The following GRM6 variants were observed in gnomAD, a reference collection of about 807,000 sequenced individuals.
The protein encoded by GRM6 is metabotropic glutamate receptor 6.
A neutral mutation model predicts 78.4 loss-of-function variants in GRM6; 73 were observed. That is an observed-to-expected ratio of 0.93 (90% CI 0.77 to 1.13). The LOEUF is 1.13. Ranked by LOEUF, GRM6 falls within the 50% of genes most tolerant of loss-of-function variation. The pLI is 0.00. For synonymous variants in GRM6, 580 were observed against 555.0 expected (o/e 1.05, Z -0.63); for missense variants, 1,251 against 1,256.4 (o/e 1.00, Z 0.07).
rs140082247 is a variant in GRM6 at position 178,991,999 on chromosome 5, C to T, written c.589G>A (p.Asp197Asn). 3.4e-5 allele frequency: 55 copies of T among 1,614,092 alleles called. No homozygotes were observed. In the African/African-American group the frequency reaches 5.2e-4, roughly 15 times the overall value. ...YDFFSRVVPP[D>N]SYQAQAMVDI... ...ACCATGGCCTGCGCCTGGTAGGAGT[C>T]GGGTGGCACCACCCGGGAGAAGAAG... The change falls in exon 3 of 11, where the codon GAC becomes AAC. Residue 197 changes from aspartate to asparagine, a missense_variant. Transcript: ENST00000517717. This position sits in a 1 kb window ranked among gnomAD's most constrained non-coding sequence, Gnocchi z 5.0.
rs1376753531 is a variant in GRM6, at chr5:178,988,894, A to C, written c.1354+41T>G. The C allele has an allele frequency of 2.0e-6, 3 of 1,531,550 alleles. No homozygotes were observed. Among genetic ancestry groups the C allele is most frequent in the Non-Finnish European group, 2.7e-6 (3 of 1,110,008 alleles). 94.9% of individuals were successfully genotyped at this position (1,531,550 alleles called of 1,614,324 possible). ...GCCTCACAGCAAAATCCAGCCCCCC[A>C]GCTGTCCTTCACTGCTGCAGGGGGG... On this transcript the variant is annotated intron_variant, in intron 7 of 10. Transcript: ENST00000517717. The surrounding 1 kb of genome is among the most constrained non-coding windows in gnomAD (Gnocchi z 6.0).
Position 178,994,862 on chromosome 5 carries a change from CGCGCCAGGCCCGCCT to C in GRM6, c.68_82del (p.Gln23_Ala27del), listed in dbSNP as rs757326094. On this transcript the variant is annotated inframe_deletion, in exon 2 of 11. Coordinates refer to ENST00000517717, the MANE Select transcript of GRM6 (RefSeq NM_000843.4). ...CGCCAGGCGCACAGAGCCCGCCGCG[CGCGCCAGGCCCGCCT>C]GCGCCAGCCACGCCAGCGGCAGCAG... 5.1e-5 allele frequency: 61 copies of C among 1,195,974 alleles called. No homozygotes were observed. The East Asian group carries it at 1.2e-3, about 23-fold the overall frequency. 74.1% of individuals were successfully genotyped at this position (1,195,974 alleles called of 1,614,324 possible).
chr5:178,980,825 G>T lies in GRM6; in HGVS notation c.*832C>A, dbSNP rs1407964425. The T allele has an allele frequency of 2.6e-5, 4 of 152,208 alleles. No homozygotes were observed. Among genetic ancestry groups the T allele is most frequent in the African/African-American group, 4.8e-5 (2 of 41,420 alleles). 9.4% of individuals were successfully genotyped at this position (152,208 alleles called of 1,614,324 possible). A position where few individuals can be genotyped will look rare whatever the true frequency, so the allele number is the denominator to read the frequency against. On this transcript the variant is annotated 3_prime_UTR_variant, in exon 11 of 11. Coordinates refer to ENST00000517717, the MANE Select transcript of GRM6 (RefSeq NM_000843.4). This position sits in a 1 kb window ranked among gnomAD's most constrained non-coding sequence, Gnocchi z 4.3. ...ATTTTTGTATTTTTAGTAGAGACAG[G>T]GTTTCACCACATTGGCCAGGCTGGT...
rs934635996 is a variant in GRM6 at position 178,992,445 on chromosome 5, T to G, written c.505-362A>C. 1.2e-5 allele frequency: 5 copies of G among 402,310 alleles called. No homozygotes were observed. In the Admixed American group the frequency reaches 1.5e-4, roughly 12 times the overall value. The allele number at this position is 402,310 out of a possible 1,614,324, so 24.9% of individuals were successfully genotyped here. On this transcript the variant is annotated intron_variant, in intron 2 of 10. Coordinates refer to ENST00000517717, the MANE Select transcript of GRM6 (RefSeq NM_000843.4). This position sits in a 1 kb window ranked among gnomAD's most constrained non-coding sequence, Gnocchi z 4.9. The stretch of plus-strand genomic sequence containing the variant: ...ATCCAGCTGCATCTGCCTGTCCTAG[T>G]CAGGCCCAGGGCAAAGCACGTTTTC...
In GRM6 at chr5:178,986,154, G is replaced by T. The variant is rs1390161587; in HGVS notation, c.2100C>A (p.Ile700=). ...CCTGCAGGGAGGTGAGGCTGAAGGT[G>T]ATGACCAGCTGTGAGGTGGGGCTGA... ...PFISPTSQLV[I]TFSLTSLQVV... Residue 700 remains isoleucine, a synonymous_variant, in exon 9 of 11, where the codon ATC becomes ATA. Transcript: ENST00000517717. 6.2e-7 allele frequency: 1 copy of T among 1,613,730 alleles called. No homozygotes were observed. Among genetic ancestry groups the T allele is most frequent in the African/African-American group, 1.3e-5 (1 of 74,940 alleles).
chr5:178,994,634 T>C lies in GRM6; in HGVS notation c.311A>G (p.Tyr104Cys). 6.9e-7 allele frequency: 1 copy of C among 1,457,540 alleles called. No homozygotes were observed. Among genetic ancestry groups the C allele is most frequent in the Non-Finnish European group, 9.0e-7 (1 of 1,107,336 alleles). The allele number at this position is 1,457,540 out of a possible 1,614,324, so 90.3% of individuals were successfully genotyped here. The change falls in exon 2 of 11, where the codon TAC becomes TGC. Residue 104 changes from tyrosine (Y) to cysteine (C), a missense_variant. By Grantham distance (194) the Tyr-to-Cys change is radical. Transcript: ENST00000517717. ...GAAGCTCAGCGCCTGCTCCAGCGCG[T>C]AGGTGTCCCGCGAGCAGGTGTCCAG... Reference protein sequence around the residue: ...RLLDTCSRDTYALEQALSFVQ... With the variant: ...RLLDTCSRDTCALEQALSFVQ...
In GRM6 at chr5:178,994,632, C is replaced by A; in HGVS notation, c.313G>T (p.Ala105Ser). ...LLDTCSRDTYALEQALSFVQA... is the reference protein window; with the variant it reads ...LLDTCSRDTYSLEQALSFVQA... ...ACGAAGCTCAGCGCCTGCTCCAGCG[C>A]GTAGGTGTCCCGCGAGCAGGTGTCC... The change falls in exon 2 of 11, where the codon GCG (alanine) becomes TCG (serine). Residue 105 changes from alanine to serine, a missense_variant. Transcript: ENST00000517717. The A allele has an allele frequency of 6.9e-7, 1 of 1,456,948 alleles. No individual in the cohort carries two copies. Among genetic ancestry groups the A allele is most frequent in the East Asian group, 3.0e-5 (1 of 32,916 alleles). 90.3% of individuals were successfully genotyped at this position (1,456,948 alleles called of 1,614,324 possible). A position where few individuals can be genotyped will look rare whatever the true frequency, so the allele number is the denominator to read the frequency against.
rs1452378519 is a variant in GRM6 at position 178,991,223 on chromosome 5, G to A, written c.857+201C>T. ...AGACACATGTTCTGTGCGCTATTCAGTCTGGGCTTGTGGCATCTCCCCAGA... is the reference window on the plus strand; with the variant it reads ...AGACACATGTTCTGTGCGCTATTCAATCTGGGCTTGTGGCATCTCCCCAGA... On this transcript the variant is annotated intron_variant, in intron 4 of 10. Transcript: ENST00000517717. This position sits in a 1 kb window ranked among gnomAD's most constrained non-coding sequence, Gnocchi z 5.0. 1.3e-5 allele frequency among the ~76,000 whole-genome samples: 2 copies of A among 152,094 alleles called. No individual in the cohort carries two copies. The highest frequency in any genetic ancestry group is 2.4e-5 in the African/African-American group (1 of 41,406).
intron 9 of GRM6, 192 bp from the exon 10 acceptor site, chr5:178,983,413 A>G: frequency 2.8e-6 from 2 of 706,052 alleles, no homozygotes; most frequent in Non-Finnish European, 2.6e-6. Flanking sequence ...GGGGCAGCCC[A>G]AGAGGGGTCC....
At chr5:178,987,118 G>A in intron 7 of GRM6, 135 bp from the exon 8 acceptor site, 2 of 871,854 alleles carry the variant, frequency 2.3e-6, no homozygotes, top group Non-Finnish European at 3.7e-6. Context: ...GCAAATCCAA[G>A]CCGCAGGGAG....
At chr5:178,983,405 G>A in intron 9 of GRM6, 184 bp from the exon 10 acceptor site, 1 of 711,208 alleles carries the variant, frequency 1.4e-6, no homozygotes, top group Non-Finnish European at 2.5e-6. Flanking sequence ...CCCAGGCAGG[G>A]GCAGCCCAAG....
At chr5:178,983,432 G>A (rs773163025) in intron 9 of GRM6, 1 of 699,820 alleles carries the variant, frequency 1.4e-6, no homozygotes, top group African/African-American at 1.7e-5. Context: ...CCGTCCAAAG[G>A]CCCGTGACCT....
chr5:178,986,387 G>C lies in GRM6; in HGVS notation c.1867C>G (p.Leu623Val). ...ATGCCGGTGAGGAGGACGTAGCTGA[G>C]CTCTCGGCCCGAGGCCCGGACGATG... ...TPIVRASGRE[L>V]SYVLLTGIFL... is the part of the protein sequence containing the mutation. The change falls in exon 9 of 11, where the codon CTC becomes GTC. Residue 623 changes from leucine (L) to valine (V), a missense_variant. Transcript: ENST00000517717. 6.2e-7 allele frequency: 1 copy of C among 1,614,012 alleles called. No homozygotes were observed. Among genetic ancestry groups the C allele is most frequent in the Non-Finnish European group, 8.5e-7 (1 of 1,180,026 alleles).
At chr5:178,989,211 A>AG in intron 6 of GRM6, 54 bp downstream of exon 6, 6 of 121,716 alleles carry the variant, frequency 4.9e-5, no homozygotes, top group Non-Finnish European at 7.9e-5. Flanking sequence ...CCCCCTCCCC[A>AG]CCCTCACCAC....
In GRM6 at chr5:178,994,950, C is replaced by A. The variant is rs1267794872; in HGVS notation, c.-6G>T. The A allele has an allele frequency of 1.2e-4, 136 of 1,167,944 alleles. No individual in the cohort carries two copies. In the East Asian group the frequency reaches 2.9e-3, roughly 25 times the overall value. The allele number at this position is 1,167,944 out of a possible 1,614,324, so 72.3% of individuals were successfully genotyped here. A position where few individuals can be genotyped will look rare whatever the true frequency, so the allele number is the denominator to read the frequency against. ...GCTCTCCGGGGCCGCGCCATCGGCT[C>A]GTCTAGCGGGCTGCGGGGAGACAGA... On this transcript the variant is annotated 5_prime_UTR_variant, in exon 2 of 11. Transcript: ENST00000517717.
chr5:178,991,304 G>GA lies in GRM6; in HGVS notation c.857+119_857+120insT. ...TCAGAGGCAGCAGCAGGGAAGGTGG[G>GA]GGGTGCGGGGAGCAGGGGAAAGGGA... On this transcript the variant is annotated intron_variant, in intron 4 of 10. Coordinates refer to ENST00000517717, the MANE Select transcript of GRM6 (RefSeq NM_000843.4). The surrounding 1 kb of genome is among the most constrained non-coding windows in gnomAD (Gnocchi z 5.0). 1 of 1,015,238 alleles carries GA rather than the reference G, an allele frequency of 9.8e-7. No individual in the cohort carries two copies. Among genetic ancestry groups the GA allele is most frequent in the South Asian group, 1.3e-5 (1 of 78,922 alleles). The allele number at this position is 1,015,238 out of a possible 1,614,324, so 62.9% of individuals were successfully genotyped here.
At position 178,989,369 on chromosome 5, in the gene GRM6, T is replaced by C. The variant is rs1760632017; in HGVS notation, c.1049A>G (p.Asn350Ser). ...GGCGAACCAGATGTTCCTGCGGTTG[T>C]TCTCCAGGGATCGAGTCATGAAGTA... ...DQYFMTRSLENNRRNIWFAEF... is the reference protein window; with the variant it reads ...DQYFMTRSLESNRRNIWFAEF... The change falls in exon 6 of 11, where the codon AAC becomes AGC. Residue 350 changes from asparagine to serine, a missense_variant. By Grantham distance (46) the Asn-to-Ser change is conservative (BLOSUM62 1). Coordinates refer to ENST00000517717, the MANE Select transcript of GRM6 (RefSeq NM_000843.4). The C allele has an allele frequency of 6.2e-7, 1 of 1,614,060 alleles. No individual in the cohort carries two copies. Among genetic ancestry groups the C allele is most frequent in the Non-Finnish European group, 8.5e-7 (1 of 1,179,898 alleles).
At chr5:178,989,715 G>A in intron 5 of GRM6, 1 of 470,810 alleles carries the variant, frequency 2.1e-6, no homozygotes, top group South Asian at 2.1e-5. Context: ...CCATTTGAAA[G>A]ACTTTTATCC....
At position 178,994,453 on chromosome 5, in the gene GRM6, C is replaced by G; in HGVS notation, c.492G>C (p.Leu164=). 6.7e-7 allele frequency: 1 copy of G among 1,490,138 alleles called. No individual in the cohort carries two copies. Among genetic ancestry groups the G allele is most frequent in the Non-Finnish European group, 8.9e-7 (1 of 1,126,108 alleles). The allele number at this position is 1,490,138 out of a possible 1,614,324, so 92.3% of individuals were successfully genotyped here. A position where few individuals can be genotyped will look rare whatever the true frequency, so the allele number is the denominator to read the frequency against. ...SSVSIMVANV[L]RLFAIPQISY... ...CCGCGGCCCTCACCGCAAACAGGCG[C>G]AGCACGTTGGCGACCATGATGGAGA... The change falls in exon 2 of 11, where the codon CTG becomes CTC. Residue 164 remains leucine (L), a synonymous_variant. Coordinates refer to ENST00000517717, the MANE Select transcript of GRM6 (RefSeq NM_000843.4).
Sources: allele counts gnomAD v4.1 joint callset (sites outside exome capture counted in the v4.1 genomes callset), GRCh38; gene constraint gnomAD v4.1.1; non-coding constraint Gnocchi (gnomAD v3.1); transcripts MANE v1.5; gene names NCBI Gene and HGNC (gene_info 2026-07-23, HGNC 2026-07-21).